The following HIVEP2 variants were observed in gnomAD, a reference collection of about 807,000 sequenced individuals.
HIVEP2 encodes the protein transcription factor HIVEP2.
A neutral mutation model predicts 180.7 loss-of-function variants in HIVEP2; 14 were observed. That is an observed-to-expected ratio of 0.08 (90% CI 0.05 to 0.12). The LOEUF is 0.12. HIVEP2 is among the 10% of genes least tolerant of loss of function. The pLI is 1.00. For missense variants in HIVEP2, 2,579 were observed against 3,008.5 expected, an observed-to-expected ratio of 0.86 and a Z score of 3.34; for synonymous variants, 1,184 against 1,136.4, an observed-to-expected ratio of 1.04 and a Z score of -0.84.
At chr6:142,883,355 A>T (rs891403219) in intron 1 of HIVEP2, among the ~76,000 whole-genome samples, 1 of 152,038 alleles carries the variant, frequency 6.6e-6, no homozygotes, top group Non-Finnish European at 1.5e-5. Flanking sequence ...AGAAGCAGTC[A>T]TCAGATTATC....
In HIVEP2 at chr6:142,769,621, A is replaced by G. The variant is rs1276637053; in HGVS notation, c.5118T>C (p.Thr1706=). The change falls in exon 5 of 10, where the codon ACT becomes ACC. Residue 1706 remains threonine (T), a synonymous_variant. Transcript: ENST00000367603. ...SKQKITAEIY[T]LAAMHRPGTG... ...TTCCAGGCCTATGCATAGCAGCCAG[A>G]GTATAAATTTCTGCAGTGATTTTTT... 1.2e-6 allele frequency: 2 copies of G among 1,614,212 alleles called. No homozygotes were observed. Among genetic ancestry groups the G allele is most frequent in the Admixed American group, 1.7e-5 (1 of 60,026 alleles).
chr6:142,764,897 C>A lies in HIVEP2; in HGVS notation c.5420G>T (p.Arg1807Leu). The stretch of plus-strand genomic sequence containing the variant: ...TTTGAGCATGCTTGGCTTCTTACAG[C>A]GAATCCCACATTCTTCACAAATGTA... ...GKYICEECGI[R>L]CKKPSMLKKH... Residue 1807 changes from arginine (R) to leucine (L), a missense_variant, in exon 7 of 10, where the codon CGC (arginine) becomes CTC (leucine). By Grantham distance (102) the Arg-to-Leu change is moderately radical (BLOSUM62 -2). Transcript: ENST00000367603. 1 of 1,613,894 alleles carries A rather than the reference C, an allele frequency of 6.2e-7. No homozygotes were observed. Among genetic ancestry groups the A allele is most frequent in the Non-Finnish European group, 8.5e-7 (1 of 1,179,798 alleles).
Position 142,863,049 on chromosome 6 carries a change from T to G in HIVEP2, c.-640-26002A>C, listed in dbSNP as rs1776045957. Among the ~76,000 whole-genome samples, 3 of 142,314 alleles carry G rather than the reference T, an allele frequency of 2.1e-5. No homozygotes were observed. In the South Asian group the frequency reaches 6.4e-4, roughly 30 times the overall value. The allele number at this position is 142,314 out of a possible 152,430, so 93.4% of individuals were successfully genotyped here. ...TATGTAATATATATTACATAATATA[T>G]TATATATTATGTAATATATGTAATT... On this transcript the variant is annotated intron_variant, in intron 1 of 9. Transcript: ENST00000367603.
intron 1 of HIVEP2, among the ~76,000 whole-genome samples, chr6:142,916,828 T>C (rs148952019): frequency 2.6e-5 from 4 of 152,358 alleles, no homozygotes; most frequent in African/African-American, 9.6e-5. Flanking sequence ...TAACAGCTAC[T>C]CAATAAGTAT....
chr6:142,856,132 T>C (rs1298267424), intron 1 of HIVEP2, among the ~76,000 whole-genome samples: 1 of 152,178 alleles, frequency 6.6e-6, no homozygotes, highest in Non-Finnish European at 1.5e-5. Context: ...CGTTACTTTT[T>C]ACCACATCCT....
rs112429965 is a variant in HIVEP2 at position 142,807,024 on chromosome 6, A to C, written c.-527-23409T>G. Among the ~76,000 whole-genome samples the C allele has an allele frequency of 3.2e-3, 486 of 152,318 alleles. 2 individuals carry two copies. Among genetic ancestry groups the C allele is most frequent in the African/African-American group, 0.011 (456 of 41,572 alleles). On this transcript the variant is annotated intron_variant, in intron 2 of 9. Transcript: ENST00000367603. The stretch of plus-strand genomic sequence containing the variant: ...GTATTTCTTGTTAGAGTAATCAAGG[A>C]TGACTCAACAGGGGATAAGTGATGT...
intron 1 of HIVEP2, among the ~76,000 whole-genome samples, chr6:142,887,383 G>T (rs558372646): frequency 2.6e-5 from 4 of 152,218 alleles, no homozygotes; most frequent in African/African-American, 9.6e-5. Context: ...CAAAAGGATA[G>T]TTCAAAATCA....
intron 1 of HIVEP2, among the ~76,000 whole-genome samples, chr6:142,938,939 G>T (rs1447464396): frequency 1.3e-5 from 2 of 152,134 alleles, no homozygotes; most frequent in Non-Finnish European, 2.9e-5. Flanking sequence ...CAGTATTCCA[G>T]TTAACCACGA....
At chr6:142,811,918 A>G (rs139156762) in intron 2 of HIVEP2, among the ~76,000 whole-genome samples, 1 of 152,364 alleles carries the variant, frequency 6.6e-6, no homozygotes, top group East Asian at 1.9e-4. Context: ...AGTAGACAAC[A>G]TGCATGAAAC....
intron 3 of HIVEP2, among the ~76,000 whole-genome samples, chr6:142,779,812 C>A (rs1174162501): frequency 4.6e-5 from 7 of 152,010 alleles, no homozygotes; most frequent in Admixed American, 3.9e-4. Context: ...TAAAACCATT[C>A]TTATACACTA....
At chr6:142,895,060 C>A (rs950330673) in intron 1 of HIVEP2, among the ~76,000 whole-genome samples, 1 of 152,180 alleles carries the variant, frequency 6.6e-6, no homozygotes, top group Admixed American at 6.5e-5. Flanking sequence ...TCACAAGTAG[C>A]ACATCCATCA....
At chr6:142,870,333 T>C (rs1372431318) in intron 1 of HIVEP2, among the ~76,000 whole-genome samples, 1 of 152,204 alleles carries the variant, frequency 6.6e-6, no homozygotes, top group Non-Finnish European at 1.5e-5. Context: ...AGGCTCAGTA[T>C]ACATATCTGT....
intron 3 of HIVEP2, among the ~76,000 whole-genome samples, chr6:142,778,431 C>T (rs1204529970): frequency 6.6e-6 from 1 of 152,160 alleles, no homozygotes; most frequent in Non-Finnish European, 1.5e-5. Flanking sequence ...TGGAAATATA[C>T]TACATTTTCA....
At chr6:142,759,727 T>A (rs1366488576) in intron 9 of HIVEP2, 45 bp downstream of exon 9, 2 of 1,481,602 alleles carry the variant, frequency 1.3e-6, no homozygotes, top group Middle Eastern at 1.8e-4. Flanking sequence ...GGAGGACCAA[T>A]GTGCTTCCAC....
intron 7 of HIVEP2, among the ~76,000 whole-genome samples, chr6:142,764,233 G>A (rs1775326083): frequency 6.6e-6 from 1 of 152,052 alleles, no homozygotes; most frequent in South Asian, 2.1e-4. Context: ...AAATTTTAAG[G>A]CAAGTCCTAG....
chr6:142,779,256 C>T lies in HIVEP2; in HGVS notation c.-432-3065G>A, dbSNP rs146858602. ...AGTTTTAAGGAAAATAAGAACCTTA[C>T]AAGTGAAAATCAGGTATGTATCATT... On this transcript the variant is annotated intron_variant, in intron 3 of 9. Transcript: ENST00000367603. 3.1e-3 allele frequency among the ~76,000 whole-genome samples: 467 copies of T among 152,238 alleles called. 1 individual carries two copies. The highest frequency in any genetic ancestry group is 0.01 in the African/African-American group (430 of 41,546).
chr6:142,810,771 AAAAAAAAAC>A (rs1397047098), intron 2 of HIVEP2, among the ~76,000 whole-genome samples: 17 of 151,768 alleles, frequency 1.1e-4, no homozygotes, highest in Admixed American at 3.3e-4. Context: ...CAAAAAAAAA[AAAAAAAAAC>A]AAAAAAAGAA....
At chr6:142,846,103 G>A (rs1180674898) in intron 1 of HIVEP2, among the ~76,000 whole-genome samples, 1 of 152,182 alleles carries the variant, frequency 6.6e-6, no homozygotes, top group Non-Finnish European at 1.5e-5. Flanking sequence ...AAAGCCAGAG[G>A]CCCTGGGAGG....
intron 1 of HIVEP2, among the ~76,000 whole-genome samples, chr6:142,931,628 A>G (rs1290409606): frequency 6.6e-6 from 1 of 152,182 alleles, no homozygotes; most frequent in Non-Finnish European, 1.5e-5. Context: ...TAAAAATAAT[A>G]TGCCAATTCA....
Sources: gnomAD v4.1 joint callset for allele counts (sites outside exome capture counted in the v4.1 genomes callset) on GRCh38, gnomAD v4.1.1 for gene constraint, MANE v1.5 for transcripts, NCBI Gene and HGNC (gene_info 2026-07-23, HGNC 2026-07-21) for gene names.